Variants in MUC22 observed in about 807,000 individuals in gnomAD.
MUC22 encodes the protein mucin-22.
A neutral mutation model predicts 40.3 loss-of-function variants in MUC22; 24 were observed. That is an observed-to-expected ratio of 0.60 (90% CI 0.43 to 0.84). MUC22 has a LOEUF of 0.84. MUC22 is among the 40% of genes least tolerant of loss of function. MUC22 has a pLI of 0.00. For synonymous variants in MUC22, 765 were observed against 844.5 expected, an observed-to-expected ratio of 0.91 and a Z score of 1.63; for missense variants, 1,926 against 2,130.7, an observed-to-expected ratio of 0.90 and a Z score of 1.89.
chr6:31,021,063 AG>A (rs1764685437), intron 1 of MUC22, among the ~76,000 whole-genome samples: 1 of 152,176 alleles, frequency 6.6e-6, no homozygotes, highest in South Asian at 2.1e-4. Flanking sequence ...CCCCTGCTCC[AG>A]GGCGCCCAGT....
intron 1 of MUC22, among the ~76,000 whole-genome samples, chr6:31,016,840 A>C (rs58882177): frequency 0.025 from 3,743 of 152,326 alleles, 153 homozygotes; most frequent in African/African-American, 0.084. Context: ...CTTGCGGGCC[A>C]GCACTAGTTC....
chr6:31,029,575 A>AAG lies in MUC22; in HGVS notation c.4144_4145insAG (p.Ser1382LysfsTer15), dbSNP rs1765852582. On this transcript the variant is annotated frameshift_variant, in exon 2 of 4. Coordinates refer to ENST00000561890, the Ensembl canonical transcript of MUC22. LOFTEE classifies it high-confidence loss of function. ...TGAGGCCACTACAGTTTCTACCACT[A>AAG]GCTCTGAGACCACCACAGCCTCTAC... is the stretch of plus-strand genomic sequence containing the variant. 1 of 1,517,814 alleles carries AAG rather than the reference A, an allele frequency of 6.6e-7. No individual in the cohort carries two copies. The highest frequency in any genetic ancestry group is 1.5e-5 in the African/African-American group (1 of 67,328). The allele number at this position is 1,517,814 out of a possible 1,614,324, so 94.0% of individuals were successfully genotyped here.
chr6:31,025,708 A>G lies in MUC22; in HGVS notation c.277A>G (p.Thr93Ala), dbSNP rs1182722729. 2.6e-6 allele frequency: 4 copies of G among 1,530,214 alleles called. No homozygotes were observed. In the South Asian group the frequency reaches 4.8e-5, roughly 18 times the overall value. The allele number at this position is 1,530,214 out of a possible 1,614,324, so 94.8% of individuals were successfully genotyped here. Reference sequence around the variant, plus strand: ...TGCAGCCTTCACCACAGGCTCTGAGACCAACACGGCCTCCACCACAGACTC... The same window carrying G: ...TGCAGCCTTCACCACAGGCTCTGAGGCCAACACGGCCTCCACCACAGACTC... Residue 93 changes from threonine (T) to alanine (A), a missense_variant, in exon 2 of 4, where the codon ACC becomes GCC. Coordinates refer to ENST00000561890, the Ensembl canonical transcript of MUC22.
upstream of MUC22, among the ~76,000 whole-genome samples, chr6:31,006,820 AC>A (rs1344237732): frequency 6.6e-6 from 1 of 152,186 alleles, no homozygotes; most frequent in Non-Finnish European, 1.5e-5. Flanking sequence ...AAAAACCTAG[AC>A]TATTGAGGAA....
At chr6:31,024,680 C>T (rs1765127664) in intron 1 of MUC22, among the ~76,000 whole-genome samples, 1 of 152,052 alleles carries the variant, frequency 6.6e-6, no homozygotes, top group African/African-American at 2.4e-5. Flanking sequence ...AGGCAGGGGT[C>T]CTGCTTCAGA....
At position 31,026,262 on chromosome 6, in the gene MUC22, C is replaced by A; in HGVS notation, c.831C>A (p.Thr277=). 13 of 1,338,554 alleles carry A rather than the reference C, an allele frequency of 9.7e-6. 1 individual carries two copies. Among genetic ancestry groups the A allele is most frequent in the Non-Finnish European group, 1.3e-5 (13 of 997,562 alleles). The allele number at this position is 1,338,554 out of a possible 1,614,324, so 82.9% of individuals were successfully genotyped here. Residue 277 remains threonine (T), a synonymous_variant, in exon 2 of 4, where the codon ACC becomes ACA. Transcript: ENST00000561890. Reference sequence around the variant, plus strand: ...CAGCCTCTACCACAGGCTCTGAGACCACTACAATCCTGATTAAAGCCTCTG... The same window carrying A: ...CAGCCTCTACCACAGGCTCTGAGACAACTACAATCCTGATTAAAGCCTCTG...
At chr6:31,008,100 C>T (rs893563943), upstream of MUC22, among the ~76,000 whole-genome samples, 1 of 152,226 alleles carries the variant, frequency 6.6e-6, no homozygotes, top group African/African-American at 2.4e-5. Context: ...ATTCAGGGGC[C>T]AGACTCAAAG....
chr6:31,029,823 G>A (rs1765906722), exon 2 of MUC22: 9 of 1,533,430 alleles, frequency 5.9e-6, no homozygotes, highest in Non-Finnish European at 7.9e-6. Flanking sequence ...CAGGCTCTGA[G>A]ACCAACACAG....
At chr6:31,005,992 A>G, upstream of MUC22, 1 of 210,994 alleles carries the variant, frequency 4.7e-6, no homozygotes, top group Non-Finnish European at 9.8e-6. Context: ...CTGTAGTCCC[A>G]GCTACGTGGG....
Position 31,032,197 on chromosome 6 carries a change from C to T in MUC22, c.4671C>T (p.Gly1557=), listed in dbSNP as rs1345663594. ...CATCTTGTGTGACCTGTTTCATAGG[C>T]ACCAGAACCACTGGAACCAGACTCA... The change falls in exon 3 of 4, where the codon GGC becomes GGT. Residue 1557 remains glycine, a splice_region_variant and synonymous_variant. Coordinates refer to ENST00000561890, the Ensembl canonical transcript of MUC22. This position sits in a 1 kb window ranked among gnomAD's most constrained non-coding sequence, Gnocchi z 4.1. 1.3e-6 allele frequency: 2 copies of T among 1,532,008 alleles called. No individual in the cohort carries two copies. The highest frequency in any genetic ancestry group is 1.7e-6 in the Non-Finnish European group (2 of 1,145,158). 94.9% of individuals were successfully genotyped at this position (1,532,008 alleles called of 1,614,324 possible).
chr6:31,016,077 T>TA (rs1273545446), intron 1 of MUC22, among the ~76,000 whole-genome samples: 1 of 151,998 alleles, frequency 6.6e-6, no homozygotes, highest in African/African-American at 2.4e-5. Context: ...GAGGTTTTTT[T>TA]TTTTCAAAGA....
intron 1 of MUC22, among the ~76,000 whole-genome samples, chr6:31,020,391 G>A (rs1764584324): frequency 6.7e-6 from 1 of 149,660 alleles, no homozygotes; most frequent in African/African-American, 2.4e-5. Context: ...ATGAAATGAA[G>A]GCTTTTCTAG....
At chr6:31,030,299 C>T (rs538000207) in intron 2 of MUC22, among the ~76,000 whole-genome samples, 199 bp downstream of exon 2, 12 of 152,070 alleles carry the variant, frequency 7.9e-5, no homozygotes, top group African/African-American at 2.4e-4. Context: ...GAGCGAATCA[C>T]GAGATCAGGA....
intron 1 of MUC22, among the ~76,000 whole-genome samples, chr6:31,016,797 A>T (rs1341552088): frequency 6.6e-6 from 1 of 152,156 alleles, no homozygotes; most frequent in East Asian, 1.9e-4. Flanking sequence ...GTGGAGGGAG[A>T]GGCACGGGCG....
In MUC22 at chr6:31,032,668, G is replaced by T. The variant is rs1456836636; in HGVS notation, c.5055+87G>T. 5.1e-6 allele frequency: 7 copies of T among 1,368,750 alleles called. No homozygotes were observed. The highest frequency in any genetic ancestry group is 6.8e-6 in the Non-Finnish European group (7 of 1,025,690). 84.8% of individuals were successfully genotyped at this position (1,368,750 alleles called of 1,614,324 possible). ...GCAGTGCTTTGGAAAAATCCAGAAT[G>T]AGAAAGGGGAGTAAGTTGGTGCGCT... On this transcript the variant is annotated intron_variant, in intron 3 of 3. Coordinates refer to ENST00000561890, the Ensembl canonical transcript of MUC22. This position sits in a 1 kb window ranked among gnomAD's most constrained non-coding sequence, Gnocchi z 4.1.
At chr6:31,029,354 C>T in exon 2 of MUC22, 1 of 1,534,252 alleles carries the variant, frequency 6.5e-7, no homozygotes, top group Non-Finnish European at 8.7e-7. Context: ...ACTACCACCA[C>T]CTCTACTGAA....
exon 2 of MUC22, chr6:31,029,812 T>TCTGAGACCACCACAGCCTCCACCG (rs1562619565): frequency 7.6e-7 from 1 of 1,323,656 alleles, no homozygotes; most frequent in Non-Finnish European, 9.9e-7. Flanking sequence ...AGCCTCCACT[T>TCTGAGACCACCACAGCCTCCACCG]CAGGCTCTGA....
exon 2 of MUC22, chr6:31,026,794 G>A (rs1301365273): frequency 2.0e-6 from 3 of 1,506,796 alleles, no homozygotes; most frequent in Non-Finnish European, 2.7e-6. Flanking sequence ...TGCAGGCTCT[G>A]AGACCACTAC....
intron 1 of MUC22, among the ~76,000 whole-genome samples, chr6:31,023,137 CAAAACAA>C (rs1264031262): frequency 7.3e-6 from 1 of 136,264 alleles, no homozygotes; most frequent in African/African-American, 2.7e-5. Context: ...AAAAACAAAA[CAAAACAA>C]AAAACAAAAT....
Sources: allele counts gnomAD v4.1 joint callset (sites outside exome capture counted in the v4.1 genomes callset), GRCh38; gene constraint gnomAD v4.1.1; non-coding constraint Gnocchi (gnomAD v3.1); transcripts MANE v1.5; gene names NCBI Gene and HGNC (gene_info 2026-07-23, HGNC 2026-07-21).